ZPBP: variants seen among roughly 807,000 people sequenced by gnomAD.
The protein encoded by ZPBP is zona pellucida binding protein.
In ZPBP, 26 loss-of-function variants were observed where a neutral mutation model predicts 44.8. The ratio of observed to expected loss-of-function variants is 0.58; its 90% confidence interval spans 0.43 to 0.81. ZPBP has a LOEUF of 0.81. Among genes scored for constraint, ZPBP ranks in the 30% least tolerant of loss-of-function variants. The pLI is 0.00. For synonymous variants in ZPBP, 174 were observed against 153.2 expected, an observed-to-expected ratio of 1.14 and a Z score of -1.00; for missense variants, 409 against 434.0, an observed-to-expected ratio of 0.94 and a Z score of 0.51.
intron 6 of ZPBP, among the ~76,000 whole-genome samples, chr7:49,985,324 G>A (rs1172937355): frequency 2.0e-5 from 3 of 152,148 alleles, no homozygotes; most frequent in Non-Finnish European, 4.4e-5. Flanking sequence ...AAATATGCCA[G>A]AGGAACTTAA....
At chr7:50,050,277 G>T (rs1800623371) in intron 4 of ZPBP, among the ~76,000 whole-genome samples, 1 of 151,998 alleles carries the variant, frequency 6.6e-6, no homozygotes, top group Admixed American at 6.6e-5. Context: ...GAAAGGGACA[G>T]ACATTTAAAT....
At chr7:50,000,064 G>T (rs1243717025) in intron 6 of ZPBP, among the ~76,000 whole-genome samples, 1 of 151,936 alleles carries the variant, frequency 6.6e-6, no homozygotes, top group Non-Finnish European at 1.5e-5. Context: ...TTTTAAAGTG[G>T]TAAAATATCT....
intron 6 of ZPBP, among the ~76,000 whole-genome samples, chr7:50,014,973 T>C (rs1406582887): frequency 1.3e-5 from 2 of 152,104 alleles, no homozygotes; most frequent in Admixed American, 1.3e-4. Flanking sequence ...AGACCAACAA[T>C]GAGACAAATA....
chr7:50,042,972 G>A (rs761396631), intron 4 of ZPBP, among the ~76,000 whole-genome samples: 3 of 152,156 alleles, frequency 2.0e-5, no homozygotes, highest in Non-Finnish European at 4.4e-5. Flanking sequence ...TGCAGCACTT[G>A]ACATGCTCGT....
At chr7:50,019,318 C>G (rs192735295) in intron 5 of ZPBP, among the ~76,000 whole-genome samples, 71 of 152,146 alleles carry the variant, frequency 4.7e-4, no homozygotes, top group African/African-American at 1.7e-3. Context: ...GTGTACATGA[C>G]TTTAAGTTGT....
At chr7:49,924,765 TACA>T (rs1794164778) in intron 1 of ZPBP, among the ~76,000 whole-genome samples, 1 of 152,138 alleles carries the variant, frequency 6.6e-6, no homozygotes. Context: ...CTTGACATAA[TACA>T]ACAAACAACC....
intron 1 of ZPBP, among the ~76,000 whole-genome samples, chr7:49,923,563 T>C (rs992646189): frequency 6.6e-6 from 1 of 152,176 alleles, no homozygotes; most frequent in Non-Finnish European, 1.5e-5. Flanking sequence ...TCCCTCACCG[T>C]GTCTACTGTT....
the ZPBP span, among the ~76,000 whole-genome samples, chr7:49,844,270 T>C: frequency 6.6e-6 from 1 of 152,200 alleles, no homozygotes; most frequent in Non-Finnish European, 1.5e-5. Context: ...AGGGCGTCGA[T>C]TCTATCCTCT....
intron 6 of ZPBP, among the ~76,000 whole-genome samples, chr7:49,984,244 C>T (rs1417386017): frequency 6.6e-6 from 1 of 152,182 alleles, no homozygotes; most frequent in Non-Finnish European, 1.5e-5. Flanking sequence ...TGGTGCACCT[C>T]ATGTCTACTG....
chr7:50,058,289 T>C, intron 3 of ZPBP, 148 bp from the exon 4 acceptor site: 1 of 795,790 alleles, frequency 1.3e-6, no homozygotes, highest in Non-Finnish European at 2.1e-6. Context: ...ATCTGGTATC[T>C]GCTAACAGTG....
chr7:50,010,551 G>A (rs763434241), intron 6 of ZPBP, among the ~76,000 whole-genome samples: 10 of 151,982 alleles, frequency 6.6e-5, no homozygotes, highest in African/African-American at 1.4e-4. Flanking sequence ...ACTGCTGTAC[G>A]CCACCAACGA....
intron 1 of ZPBP, among the ~76,000 whole-genome samples, chr7:49,924,197 G>T (rs748296332): frequency 6.6e-6 from 1 of 151,512 alleles, no homozygotes; most frequent in Non-Finnish European, 1.5e-5. Flanking sequence ...ATAAGTACTA[G>T]ATCTTGATAA....
chr7:49,949,188 C>T (rs1795225463), intron 7 of ZPBP, among the ~76,000 whole-genome samples: 1 of 152,136 alleles, frequency 6.6e-6, no homozygotes, highest in Admixed American at 6.5e-5. Context: ...TCTCCAGAAA[C>T]TGATCTTGGA....
chr7:49,960,922 ATAAGTGTGTT>A (rs1312006630), intron 7 of ZPBP, among the ~76,000 whole-genome samples: 1 of 152,238 alleles, frequency 6.6e-6, no homozygotes, highest in Non-Finnish European at 1.5e-5. Flanking sequence ...AACACAAGTT[ATAAGTGTGTT>A]ACACAGTTAA....
intron 2 of ZPBP, among the ~76,000 whole-genome samples, chr7:49,898,074 A>G (rs117366176): frequency 6.6e-6 from 1 of 152,238 alleles, no homozygotes; most frequent in East Asian, 1.9e-4. Context: ...TTAGCCCACT[A>G]TAGCCTTCCT....
chr7:49,904,491 T>C (rs1381081335), intron 1 of ZPBP, among the ~76,000 whole-genome samples: 1 of 152,206 alleles, frequency 6.6e-6, no homozygotes, highest in Non-Finnish European at 1.5e-5. Flanking sequence ...TAGAGGGACT[T>C]GGTTGAAACA....
At chr7:50,008,566 A>G (rs896532742) in intron 6 of ZPBP, among the ~76,000 whole-genome samples, 1 of 151,998 alleles carries the variant, frequency 6.6e-6, no homozygotes, top group African/African-American at 2.4e-5. Context: ...TTGCCCAACA[A>G]TCTTGAAAAC....
At chr7:50,037,299 G>A (rs1799869204) in intron 4 of ZPBP, among the ~76,000 whole-genome samples, 1 of 152,118 alleles carries the variant, frequency 6.6e-6, no homozygotes. Flanking sequence ...TAAGGGCATA[G>A]AAAAAATAAA....
intron 6 of ZPBP, among the ~76,000 whole-genome samples, chr7:50,008,490 C>T (rs1263707692): frequency 1.3e-5 from 2 of 151,968 alleles, no homozygotes; most frequent in African/African-American, 2.4e-5. Context: ...AATGCCAATG[C>T]CATTTTTTTT....
Sources: gnomAD v4.1 joint callset for allele counts (sites outside exome capture counted in the v4.1 genomes callset) on GRCh38, gnomAD v4.1.1 for gene constraint, MANE v1.5 for transcripts, NCBI Gene and HGNC (gene_info 2026-07-23, HGNC 2026-07-21) for gene names.